Variants in CCSER2 observed in about 807,000 individuals in gnomAD.
CCSER2 encodes the protein coiled-coil serine rich protein 2.
CCSER2 carries 46 observed loss-of-function variants against 92.3 expected under a neutral mutation model. The observed-to-expected ratio is 0.50, with a 90% CI of 0.39 to 0.64. CCSER2 has a LOEUF of 0.64. Ranked by LOEUF, CCSER2 falls within the 30% of genes least tolerant of loss-of-function variation. CCSER2 has a pLI of 0.00. For missense variants in CCSER2, 1,244 were observed against 1,238.9 expected, an observed-to-expected ratio of 1.00 and a Z score of -0.06; for synonymous variants, 433 against 431.4, an observed-to-expected ratio of 1.00 and a Z score of -0.04.
intron 4 of CCSER2, among the ~76,000 whole-genome samples, chr10:84,419,364 A>AAAAAATAAAATATAAAT (rs749756409): frequency 6.7e-6 from 1 of 149,912 alleles, no homozygotes; most frequent in Non-Finnish European, 1.5e-5. Flanking sequence ...TCAAAAAAAA[A>AAAAAATAAAATATAAAT]AAAATAAAAT....
chr10:84,506,612 T>G (rs1029384435), intron 9 of CCSER2, among the ~76,000 whole-genome samples: 11 of 151,904 alleles, frequency 7.2e-5, no homozygotes, highest in African/African-American at 2.7e-4. Flanking sequence ...GCCAACATAG[T>G]GAAACCCCGT....
At chr10:84,452,276 T>C (rs1458558392) in intron 6 of CCSER2, 2 of 152,120 alleles carry the variant, frequency 1.3e-5, no homozygotes, top group East Asian at 3.9e-4. Context: ...AAGATCTCAG[T>C]TTTTGCAAAC....
intron 6 of CCSER2, among the ~76,000 whole-genome samples, chr10:84,451,907 G>A (rs1845317129): frequency 6.6e-6 from 1 of 152,122 alleles, no homozygotes; most frequent in African/African-American, 2.4e-5. Flanking sequence ...CCTCTCAAAT[G>A]TAGCTTGAAT....
chr10:84,356,887 G>A (rs1240811629), intron 1 of CCSER2, among the ~76,000 whole-genome samples: 1 of 152,230 alleles, frequency 6.6e-6, no homozygotes, highest in African/African-American at 2.4e-5. Flanking sequence ...ACATATAGAT[G>A]TGCTGATAAT....
intron 4 of CCSER2, 69 bp from the exon 5 acceptor site, chr10:84,425,662 C>A: frequency 2.0e-6 from 2 of 1,025,440 alleles, no homozygotes; most frequent in Non-Finnish European, 2.7e-6. Flanking sequence ...ATTTAATTAT[C>A]AAGCTATAAG....
chr10:84,452,818 A>G (rs1020687609), intron 6 of CCSER2, among the ~76,000 whole-genome samples: 42 of 152,068 alleles, frequency 2.8e-4, no homozygotes, highest in African/African-American at 9.9e-4. Flanking sequence ...TTTCTATTTT[A>G]TGATCCCCGC....
chr10:84,402,077 C>T (rs1287248383), intron 3 of CCSER2, among the ~76,000 whole-genome samples: 1 of 152,178 alleles, frequency 6.6e-6, no homozygotes, highest in Non-Finnish European at 1.5e-5. Flanking sequence ...TCTCTACCTG[C>T]TTGTGCTCCG....
intron 9 of CCSER2, among the ~76,000 whole-genome samples, chr10:84,479,200 G>T (rs1847321865): frequency 6.6e-6 from 1 of 152,156 alleles, no homozygotes; most frequent in African/African-American, 2.4e-5. Context: ...AACTATAAAA[G>T]TTACTATAGG....
chr10:84,382,697 T>G (rs957586780), intron 3 of CCSER2, among the ~76,000 whole-genome samples: 9 of 152,180 alleles, frequency 5.9e-5, no homozygotes, highest in Non-Finnish European at 1.3e-4. Flanking sequence ...GCCTTTATTT[T>G]TGGAATGATT....
chr10:84,447,291 A>G (rs1025311348), intron 6 of CCSER2, among the ~76,000 whole-genome samples: 26 of 152,206 alleles, frequency 1.7e-4, no homozygotes, highest in African/African-American at 6.3e-4. Context: ...TGTCATATGG[A>G]TAGAATATAG....
At chr10:84,465,201 C>A (rs2133678953) in intron 7 of CCSER2, among the ~76,000 whole-genome samples, 1 of 137,522 alleles carries the variant, frequency 7.3e-6, no homozygotes, top group African/African-American at 2.8e-5. Flanking sequence ...GAATTTGTGA[C>A]TGACATTTTA....
intron 3 of CCSER2, among the ~76,000 whole-genome samples, chr10:84,410,803 T>G (rs1319469848): frequency 6.6e-6 from 1 of 152,240 alleles, no homozygotes; most frequent in East Asian, 1.9e-4. Flanking sequence ...GTTGTAATGC[T>G]TTTGGCATTC....
intron 5 of CCSER2, among the ~76,000 whole-genome samples, chr10:84,435,811 C>G (rs975977261): frequency 3.3e-5 from 5 of 152,034 alleles, no homozygotes; most frequent in African/African-American, 1.2e-4. Flanking sequence ...CAGTACAGGT[C>G]GCTATAAAAA....
intron 8 of CCSER2, among the ~76,000 whole-genome samples, chr10:84,475,550 A>G (rs886943918): frequency 1.1e-4 from 16 of 152,212 alleles, no homozygotes; most frequent in Non-Finnish European, 2.2e-4. Context: ...TCCTCAACTT[A>G]TGACGGAATT....
chr10:84,431,653 G>A (rs1293601744), intron 5 of CCSER2, among the ~76,000 whole-genome samples: 1 of 151,954 alleles, frequency 6.6e-6, no homozygotes, highest in African/African-American at 2.4e-5. Flanking sequence ...GAGGTGGGGG[G>A]ATCACTTGAG....
intron 6 of CCSER2, among the ~76,000 whole-genome samples, chr10:84,441,734 ATGTTTTTTT>A (rs374775026): frequency 0.013 from 1,427 of 106,336 alleles, 94 homozygotes; most frequent in East Asian, 0.031. Context: ...GACTGGGAAA[ATGTTTTTTT>A]TTTTTTTTTT....
chr10:84,332,436 A>ATATTT (rs1401635246), intron 1 of CCSER2, among the ~76,000 whole-genome samples: 20 of 55,212 alleles, frequency 3.6e-4, no homozygotes, highest in South Asian at 2.7e-3. Context: ...ATATATATAT[A>ATATTT]TTTTTTTTTT....
intron 3 of CCSER2, among the ~76,000 whole-genome samples, chr10:84,385,004 A>AACACACACACACACACACACACAC (rs56977232): frequency 2.1e-4 from 31 of 145,886 alleles, no homozygotes; most frequent in African/African-American, 7.3e-4. Context: ...ATTTACAATA[A>AACACACACACACACACACACACAC]ACACACACAC....
chr10:84,330,774 G>A (rs1843523045), intron 1 of CCSER2, among the ~76,000 whole-genome samples: 2 of 152,044 alleles, frequency 1.3e-5, no homozygotes, highest in Non-Finnish European at 2.9e-5. Flanking sequence ...CCAAAGTGCT[G>A]GGATTGTAGG....
Sources: allele counts gnomAD v4.1 joint callset (sites outside exome capture counted in the v4.1 genomes callset), GRCh38; gene constraint gnomAD v4.1.1; transcripts MANE v1.5; gene names NCBI Gene and HGNC (gene_info 2026-07-23, HGNC 2026-07-21).